The following CARD19 variants were observed in gnomAD, a reference collection of about 807,000 sequenced individuals.
CARD19 encodes caspase recruitment domain-containing protein 19.
CARD19 carries 25 observed loss-of-function variants against 24.1 expected under a neutral mutation model. The ratio of observed to expected loss-of-function variants is 1.04; its 90% CI spans 0.76 to 1.45. The LOEUF (loss-of-function observed/expected upper bound fraction) is 1.45, where lower values mean the gene tolerates loss of function less well. Ranked by LOEUF, CARD19 falls within the 40% of genes most tolerant of loss-of-function variation. CARD19 has a pLI of 0.00. For missense variants in CARD19, 241 were observed against 247.4 expected, an observed-to-expected ratio of 0.97 and a Z score of 0.17; for synonymous variants, 103 against 104.9, an observed-to-expected ratio of 0.98 and a Z score of 0.11.
At chr9:93,109,994 C>T (rs1827397096) in intron 2 of CARD19, 1 of 153,948 alleles carries the variant, frequency 6.5e-6, no homozygotes, top group Non-Finnish European at 1.4e-5. Flanking sequence ...GTCACCAGCC[C>T]TGTGCTTTCT....
chr9:93,111,805 G>A (rs986267911), intron 3 of CARD19, 74 bp from the exon 4 acceptor site: 3 of 1,578,778 alleles, frequency 1.9e-6, no homozygotes, highest in East Asian at 2.3e-5. Flanking sequence ...GCAACCTTGG[G>A]CTTCCTGCGG....
Position 93,113,211 on chromosome 9 carries a change from AT to A in CARD19, c.*107del. 1.5e-6 allele frequency: 1 copy of A among 689,096 alleles called. No homozygotes were observed. The allele number at this position is 689,096 out of a possible 1,614,324, so 42.7% of individuals were successfully genotyped here. A position where few individuals can be genotyped will look rare whatever the true frequency, so the allele number is the denominator to read the frequency against. On this transcript the variant is annotated 3_prime_UTR_variant, in exon 6 of 6. Transcript: ENST00000375464. ...TTTTTCTAAATGCATATTTTTCATT[AT>A]TTATAATTTGTGTAAAAAACACACC...
intron 2 of CARD19, chr9:93,110,024 T>G (rs558532696): frequency 6.5e-6 from 1 of 153,988 alleles, no homozygotes; most frequent in South Asian, 1.9e-4. Flanking sequence ...GATGGAGTCT[T>G]GCTCTGTCGC....
intron 1 of CARD19, among the ~76,000 whole-genome samples, chr9:93,104,635 T>C (rs1827189886): frequency 6.6e-6 from 1 of 152,240 alleles, no homozygotes; most frequent in African/African-American, 2.4e-5. Context: ...TGATTTAATC[T>C]TACTAGTTAT....
chr9:93,109,792 G>A (rs1827390950), intron 2 of CARD19: 1 of 151,970 alleles, frequency 6.6e-6, no homozygotes, highest in South Asian at 2.1e-4. Flanking sequence ...TTTAAAACTT[G>A]AATCACATTC....
chr9:93,096,963 G>A lies in CARD19; in HGVS notation c.7+611G>A, dbSNP rs1408531140. ...CGGGGACAGCGACTGGACCCCCCAA[G>A]GTTGTTGTGCTCCACGCTAGTGGCC... is the stretch of plus-strand genomic sequence containing the variant. On this transcript the variant is annotated intron_variant, in intron 1 of 5. Coordinates refer to ENST00000375464, the MANE Select transcript of CARD19 (RefSeq NM_032310.5). This position sits in a 1 kb window ranked among gnomAD's most constrained non-coding sequence, Gnocchi z 5.4. 6.6e-6 allele frequency among the ~76,000 whole-genome samples: 1 copy of A among 152,164 alleles called. No homozygotes were observed. The highest frequency in any genetic ancestry group is 1.5e-5 in the Non-Finnish European group (1 of 68,012).
rs995022723 is a variant in CARD19 at position 93,112,268 on chromosome 9, C to G, written c.415C>G (p.Leu139Val). The G allele has an allele frequency of 6.5e-7, 1 of 1,544,690 alleles. No homozygotes were observed. Among genetic ancestry groups the G allele is most frequent in the South Asian group, 1.2e-5 (1 of 84,020 alleles). ...GGGCCTTGCTGTGGGACTGGCCCTG[C>G]TCCTGTACTGCTATCCGCCAGGTGG... is the stretch of plus-strand genomic sequence containing the variant. ...GLGLAVGLAL[L>V]LYCYPPDPKG... The change falls in exon 5 of 6, where the codon CTC (leucine) becomes GTC (valine). Residue 139 changes from leucine to valine, a missense_variant. By Grantham distance (32) the Leu-to-Val change is conservative. Transcript: ENST00000375464.
At position 93,113,244 on chromosome 9, in the gene CARD19, T is replaced by C. The variant is rs1827582846; in HGVS notation, c.*137T>C. 1.7e-6 allele frequency: 1 copy of C among 592,782 alleles called. No individual in the cohort carries two copies. Among genetic ancestry groups the C allele is most frequent in the Admixed American group, 3.1e-5 (1 of 32,436 alleles). 36.7% of individuals were successfully genotyped at this position (592,782 alleles called of 1,614,324 possible). A position where few individuals can be genotyped will look rare whatever the true frequency, so the allele number is the denominator to read the frequency against. On this transcript the variant is annotated 3_prime_UTR_variant, in exon 6 of 6. Coordinates refer to ENST00000375464, the MANE Select transcript of CARD19 (RefSeq NM_032310.5). The stretch of plus-strand genomic sequence containing the variant: ...TTTGTGTAAAAAACACACCTTCACC[T>C]TACAAGGTGCTGACCATATTAAATG...
intron 2 of CARD19, chr9:93,110,298 C>A: frequency 2.1e-6 from 1 of 482,028 alleles, no homozygotes; most frequent in Non-Finnish European, 3.6e-6. Context: ...CCTTGCCAGC[C>A]CCATGCTTTC....
intron 1 of CARD19, among the ~76,000 whole-genome samples, chr9:93,103,125 T>C (rs1827142129): frequency 6.6e-6 from 1 of 152,236 alleles, no homozygotes; most frequent in South Asian, 2.1e-4. Flanking sequence ...CCTTTTCCTT[T>C]TTTTGCCTAA....
Position 93,107,806 on chromosome 9 carries a change from AG to A in CARD19, c.142del (p.Ala48ArgfsTer19). On this transcript the variant is annotated frameshift_variant, in exon 2 of 6. Coordinates refer to ENST00000375464, the MANE Select transcript of CARD19 (RefSeq NM_032310.5). LOFTEE classifies it high-confidence loss of function. Reference sequence around the variant, plus strand: ...TACCCACAGATCCTTACCAACAAGGAGGCGGAAAAGGTGCTGAGGAGGTGAG... The same window carrying A: ...TACCCACAGATCCTTACCAACAAGGAGCGGAAAAGGTGCTGAGGAGGTGAG... ...RYYPQILTNK[E>X]AEKFRNPKAS... 1.2e-6 allele frequency: 2 copies of A among 1,614,188 alleles called. No individual in the cohort carries two copies. Among genetic ancestry groups the A allele is most frequent in the Non-Finnish European group, 1.7e-6 (2 of 1,180,028 alleles).
At chr9:93,105,197 CGTGT>C (rs56089144) in intron 1 of CARD19, among the ~76,000 whole-genome samples, 29,686 of 150,282 alleles carry the variant, frequency 0.2, 3,102 homozygotes, top group Middle Eastern at 0.29. Flanking sequence ...TGTGTGTGTG[CGTGT>C]GTGTGTGTGT....
At chr9:93,109,073 G>C (rs761668204) in intron 2 of CARD19, 13 of 152,206 alleles carry the variant, frequency 8.5e-5, no homozygotes, top group African/African-American at 3.1e-4. Flanking sequence ...GAGTCAACAC[G>C]GGCCCTGCTA....
intron 3 of CARD19, chr9:93,111,258 T>G (rs1321089967): frequency 8.6e-7 from 1 of 1,166,366 alleles, no homozygotes; most frequent in Non-Finnish European, 1.1e-6. Flanking sequence ...TCAGGCAGTG[T>G]GGACTCAGGC....
chr9:93,102,724 G>A (rs972783837), intron 1 of CARD19, among the ~76,000 whole-genome samples: 1 of 151,068 alleles, frequency 6.6e-6, no homozygotes, highest in Non-Finnish European at 1.5e-5. Context: ...GTTTTGGGGT[G>A]GGTTTTTCTA....
At chr9:93,111,777 C>T (rs1368954558) in intron 3 of CARD19, 102 bp from the exon 4 acceptor site, 11 of 1,530,028 alleles carry the variant, frequency 7.2e-6, no homozygotes, top group Non-Finnish European at 7.1e-6. Flanking sequence ...TTCGGCCTGG[C>T]GGCCCCAGGA....
At chr9:93,098,900 C>CTTTTT (rs10693165) in intron 1 of CARD19, among the ~76,000 whole-genome samples, 34 of 120,422 alleles carry the variant, frequency 2.8e-4, no homozygotes, top group Admixed American at 1.9e-3. Context: ...TTGCAGAACT[C>CTTTTT]TTTTTTTTTT....
chr9:93,107,951 A>G lies in CARD19; in HGVS notation c.150+135A>G. The G allele has an allele frequency of 3.4e-6, 4 of 1,179,992 alleles. No individual in the cohort carries two copies. In the South Asian group the frequency reaches 5.9e-5, roughly 17 times the overall value. 73.1% of individuals were successfully genotyped at this position (1,179,992 alleles called of 1,614,324 possible). ...CTAGGTATGTCAGGATTCAGAGGTG[A>G]CACATCTGGACCTGGCTACTAAGGC... On this transcript the variant is annotated intron_variant, in intron 2 of 5. Transcript: ENST00000375464.
At chr9:93,109,784 T>A (rs1380305759) in intron 2 of CARD19, 2 of 152,152 alleles carry the variant, frequency 1.3e-5, no homozygotes, top group African/African-American at 4.8e-5. Context: ...CTTACTTTTT[T>A]AAAACTTGAA....
Sources: gnomAD v4.1 joint callset for allele counts (sites outside exome capture counted in the v4.1 genomes callset) on GRCh38, gnomAD v4.1.1 for gene constraint, Gnocchi (gnomAD v3.1) non-coding constraint, MANE v1.5 for transcripts, NCBI Gene and HGNC (gene_info 2026-07-23, HGNC 2026-07-21) for gene names.